MS4A7: variants seen among roughly 807,000 people sequenced by gnomAD.
MS4A7 encodes the protein membrane-spanning 4-domains subfamily A member 7.
In MS4A7, 21 loss-of-function variants were observed where a neutral mutation model predicts 23.5. The ratio of observed to expected loss-of-function variants is 0.89; its 90% CI spans 0.63 to 1.29. The LOEUF is 1.29. Among genes scored for constraint, MS4A7 ranks in the 50% most tolerant of loss-of-function variants. MS4A7 has a pLI of 0.00. For missense variants in MS4A7, 263 were observed against 274.2 expected (o/e 0.96, Z 0.29); for synonymous variants, 111 against 107.4 (o/e 1.03, Z -0.21).
In MS4A7 at chr11:60,383,164, T is replaced by C. The variant is rs2085448233; in HGVS notation, c.23T>C (p.Met8Thr). The change falls in exon 2 of 7, where the codon ATG becomes ACG. Residue 8 changes from methionine (M) to threonine (T), a missense_variant. Coordinates refer to ENST00000300184, the MANE Select transcript of MS4A7 (RefSeq NM_021201.5). ...ATCATGCTATTACAATCCCAAACCATGGGGGTTTCTCACAGCTTTACACCA... is the reference window on the plus strand; with the variant it reads ...ATCATGCTATTACAATCCCAAACCACGGGGGTTTCTCACAGCTTTACACCA... MLLQSQT[M>T]GVSHSFTPKG... The C allele has an allele frequency of 2.5e-6, 4 of 1,613,946 alleles. No homozygotes were observed. Among genetic ancestry groups the C allele is most frequent in the Non-Finnish European group, 3.4e-6 (4 of 1,179,914 alleles).
At chr11:60,393,198 G>C (rs1475684131) in intron 6 of MS4A7, among the ~76,000 whole-genome samples, 1 of 152,098 alleles carries the variant, frequency 6.6e-6, no homozygotes, top group South Asian at 2.1e-4. Flanking sequence ...GGTGTCTACT[G>C]GGAAGCAGAC....
intron 1 of MS4A7, among the ~76,000 whole-genome samples, chr11:60,380,905 G>T (rs1321533233): frequency 6.6e-6 from 1 of 152,202 alleles, no homozygotes; most frequent in African/African-American, 2.4e-5. Context: ...CAGGGATATA[G>T]AAGAGCTCTG....
At chr11:60,386,631 A>G (rs1241663651) in intron 3 of MS4A7, 86 bp from the exon 4 acceptor site, 7 of 1,130,646 alleles carry the variant, frequency 6.2e-6, no homozygotes, top group Non-Finnish European at 7.9e-6. Context: ...TTCCAACATC[A>G]CTTTTTGATT....
intron 2 of MS4A7, 98 bp from the exon 3 acceptor site, chr11:60,384,990 A>G: frequency 1.9e-6 from 2 of 1,041,130 alleles, no homozygotes; most frequent in Non-Finnish European, 2.8e-6. Context: ...AACAAATTAT[A>G]ATGTATTTTA....
intron 5 of MS4A7, chr11:60,389,854 G>T: frequency 2.1e-6 from 1 of 465,118 alleles, no homozygotes; most frequent in South Asian, 2.2e-5. Flanking sequence ...AATCACAAAC[G>T]TTCCAACCTT....
In MS4A7 at chr11:60,378,678, T is replaced by A. The variant is rs576913203; in HGVS notation, c.-14+14T>A. ...CTGCGAGAACAGGTAGACACCTTGGTTTAGATCATGACTTTTGGGGAAGAT... is the reference window on the plus strand; with the variant it reads ...CTGCGAGAACAGGTAGACACCTTGGATTAGATCATGACTTTTGGGGAAGAT... On this transcript the variant is annotated intron_variant, in intron 1 of 6. Transcript: ENST00000300184. 7 of 152,324 alleles carry A rather than the reference T, an allele frequency of 4.6e-5. No homozygotes were observed. In the East Asian group the frequency reaches 1.3e-3, roughly 29 times the overall value. The allele number at this position is 152,324 out of a possible 1,614,324, so 9.4% of individuals were successfully genotyped here.
intron 1 of MS4A7, 77 bp from the exon 2 acceptor site, chr11:60,383,052 A>G: frequency 2.7e-6 from 4 of 1,487,544 alleles, no homozygotes; most frequent in Non-Finnish European, 3.6e-6. Flanking sequence ...TTAAGTTCCT[A>G]CAAAGTATGG....
At position 60,394,969 on chromosome 11, in the gene MS4A7, T is replaced by C. The variant is rs2085598733; in HGVS notation, c.*1108T>C. ...AGGGTAGGAGTCAATGAAGACATCTTAGTCTTAACAAGTTACAGATAATCT... is the reference window on the plus strand; with the variant it reads ...AGGGTAGGAGTCAATGAAGACATCTCAGTCTTAACAAGTTACAGATAATCT... On this transcript the variant is annotated 3_prime_UTR_variant, in exon 7 of 7. Transcript: ENST00000300184. 1.5e-6 allele frequency: 1 copy of C among 666,398 alleles called. No homozygotes were observed. The highest frequency in any genetic ancestry group is 1.7e-5 in the South Asian group (1 of 59,906). 41.3% of individuals were successfully genotyped at this position (666,398 alleles called of 1,614,324 possible).
In MS4A7 at chr11:60,392,587, T is replaced by G. The variant is rs901417891; in HGVS notation, c.547-98T>G. The G allele has an allele frequency of 1.1e-5, 9 of 811,384 alleles. No homozygotes were observed. In the African/African-American group the frequency reaches 1.6e-4, roughly 14 times the overall value. The allele number at this position is 811,384 out of a possible 1,614,324, so 50.3% of individuals were successfully genotyped here. A position where few individuals can be genotyped will look rare whatever the true frequency, so the allele number is the denominator to read the frequency against. On this transcript the variant is annotated intron_variant, in intron 5 of 6. Coordinates refer to ENST00000300184, the MANE Select transcript of MS4A7 (RefSeq NM_021201.5). ...ATTAAGCAATTTTCCCTGTCTCCTT[T>G]TCTCTGCATTGCTGGAGCCTCATCG...
rs552291536 is a variant in MS4A7, at chr11:60,379,112, G to A, written c.-14+448G>A. Among the ~76,000 whole-genome samples the A allele has an allele frequency of 4.6e-5, 7 of 152,322 alleles. No individual in the cohort carries two copies. In the South Asian group the frequency reaches 1.2e-3, roughly 27 times the overall value. ...GGTCCCTCCAGTCTATCTCCTCAAG[G>A]CGAATGTGGAAGGACAAAGCATCCT... On this transcript the variant is annotated intron_variant, in intron 1 of 6. Coordinates refer to ENST00000300184, the MANE Select transcript of MS4A7 (RefSeq NM_021201.5).
At chr11:60,389,971 A>G (rs2085533868) in intron 5 of MS4A7, 2 of 248,208 alleles carry the variant, frequency 8.1e-6, no homozygotes, top group Admixed American at 5.1e-5. Context: ...TTATATTTTA[A>G]TTTGGGATTC....
Position 60,393,952 on chromosome 11 carries a change from C to A in MS4A7, c.*91C>A, listed in dbSNP as rs1237060514. ...CCTGAAATCTCTGCCATTTTAGATA[C>A]TGTGAAACAAACTAAAAAAAAAAAA... On this transcript the variant is annotated 3_prime_UTR_variant, in exon 7 of 7. Transcript: ENST00000300184. 4.1e-6 allele frequency: 3 copies of A among 724,126 alleles called. No individual in the cohort carries two copies. The highest frequency in any genetic ancestry group is 3.7e-5 in the African/African-American group (2 of 53,724). 44.9% of individuals were successfully genotyped at this position (724,126 alleles called of 1,614,324 possible). A position where few individuals can be genotyped will look rare whatever the true frequency, so the allele number is the denominator to read the frequency against.
intron 6 of MS4A7, among the ~76,000 whole-genome samples, chr11:60,393,375 C>T (rs555195099): frequency 3.3e-5 from 5 of 152,218 alleles, no homozygotes; most frequent in Admixed American, 6.5e-5. Context: ...GGGAACACAG[C>T]TACCTGCCTC....
chr11:60,386,821 G>C, intron 4 of MS4A7, 48 bp downstream of exon 4: 1 of 1,418,560 alleles, frequency 7.0e-7, no homozygotes, highest in Non-Finnish European at 9.9e-7. Context: ...TTGAAGGAAC[G>C]TCAGAGTTAA....
chr11:60,393,994 T>C lies in MS4A7; in HGVS notation c.*133T>C, dbSNP rs1172563630. 1.2e-5 allele frequency: 6 copies of C among 513,110 alleles called. No homozygotes were observed. The highest frequency in any genetic ancestry group is 2.0e-5 in the Non-Finnish European group (6 of 297,054). 31.8% of individuals were successfully genotyped at this position (513,110 alleles called of 1,614,324 possible). ...AAAAAAAAAGCTTTTGTTTTGTATT[T>C]GTTTACTATGAGTCGTTATTTAATT... is the stretch of plus-strand genomic sequence containing the variant. On this transcript the variant is annotated 3_prime_UTR_variant, in exon 7 of 7. Coordinates refer to ENST00000300184, the MANE Select transcript of MS4A7 (RefSeq NM_021201.5).
rs1252377588 is a variant in MS4A7, at chr11:60,395,137, T to G, written c.*1276T>G. 7.8e-6 allele frequency: 3 copies of G among 386,136 alleles called. No individual in the cohort carries two copies. The highest frequency in any genetic ancestry group is 1.4e-5 in the Non-Finnish European group (3 of 217,914). The allele number at this position is 386,136 out of a possible 1,614,324, so 23.9% of individuals were successfully genotyped here. On this transcript the variant is annotated 3_prime_UTR_variant, in exon 7 of 7. Coordinates refer to ENST00000300184, the MANE Select transcript of MS4A7 (RefSeq NM_021201.5). ...AATTCAGATCATCACCCCTGCACTT[T>G]GTACCACATGGGCGTATTCTTTCTT...
intron 4 of MS4A7, among the ~76,000 whole-genome samples, chr11:60,387,788 T>C (rs1223241487): frequency 2.0e-5 from 3 of 152,234 alleles, no homozygotes; most frequent in Non-Finnish European, 4.4e-5. Flanking sequence ...GTCTTCTTAC[T>C]TAAAAGAGCG....
chr11:60,394,435 A>T lies in MS4A7; in HGVS notation c.*574A>T, dbSNP rs539058646. On this transcript the variant is annotated 3_prime_UTR_variant, in exon 7 of 7. Coordinates refer to ENST00000300184, the MANE Select transcript of MS4A7 (RefSeq NM_021201.5). ...AGCAAGCATGTCCCTGCCTCCCATG[A>T]ATCTTACCATGTAAATCCAAATCTC... 6.5e-6 allele frequency: 1 copy of T among 152,692 alleles called. No homozygotes were observed. Among genetic ancestry groups the T allele is most frequent in the South Asian group, 2.1e-4 (1 of 4,828 alleles). 9.5% of individuals were successfully genotyped at this position (152,692 alleles called of 1,614,324 possible).
chr11:60,388,567 C>T (rs887666097), intron 4 of MS4A7, among the ~76,000 whole-genome samples: 1 of 152,222 alleles, frequency 6.6e-6, no homozygotes, highest in Non-Finnish European at 1.5e-5. Context: ...TAGCCAGGCC[C>T]TGTATCTTCT....
Sources: allele counts gnomAD v4.1 joint callset (sites outside exome capture counted in the v4.1 genomes callset), GRCh38; gene constraint gnomAD v4.1.1; transcripts MANE v1.5; gene names NCBI Gene and HGNC (gene_info 2026-07-23, HGNC 2026-07-21).